Variants in KCNMA1 observed in about 807,000 individuals in gnomAD.
KCNMA1 encodes the protein Calcium-activated potassium channel subunit alpha-1.
In KCNMA1, 29 loss-of-function variants were observed where a neutral mutation model predicts 140.0. The observed-to-expected ratio is 0.21, with a 90% CI of 0.15 to 0.28. The LOEUF is 0.28. KCNMA1 is among the 10% of genes least tolerant of loss of function. The pLI is 1.00. For missense variants in KCNMA1, 880 were observed against 1,602.2 expected (o/e 0.55, Z 7.70); for synonymous variants, 612 against 611.9 (o/e 1.00, Z 0.00).
intron 1 of KCNMA1, among the ~76,000 whole-genome samples, chr10:77,480,832 G>C (rs983471696): frequency 6.6e-6 from 1 of 152,056 alleles, no homozygotes; most frequent in East Asian, 1.9e-4. Context: ...ACGTGCAGCC[G>C]GGCACGGTGG....
chr10:77,485,475 C>T (rs865987061), intron 1 of KCNMA1, among the ~76,000 whole-genome samples: 1 of 152,074 alleles, frequency 6.6e-6, no homozygotes, highest in Admixed American at 6.6e-5. Context: ...CTCTGTGGTT[C>T]GAGGAAAAGC....
intron 2 of KCNMA1, among the ~76,000 whole-genome samples, chr10:77,257,452 G>T (rs970123975): frequency 1.3e-5 from 2 of 152,186 alleles, no homozygotes; most frequent in Non-Finnish European, 2.9e-5. Context: ...GGAAGGATCA[G>T]ATCAGGCAGA....
At chr10:77,429,699 T>C (rs1248311827) in intron 1 of KCNMA1, among the ~76,000 whole-genome samples, 1 of 152,232 alleles carries the variant, frequency 6.6e-6, no homozygotes, top group African/African-American at 2.4e-5. Flanking sequence ...CCTAACATCT[T>C]GCAAGCTTTC....
intron 14 of KCNMA1, among the ~76,000 whole-genome samples, chr10:77,044,646 C>A (rs2094934490): frequency 6.6e-6 from 1 of 152,090 alleles, no homozygotes; most frequent in Non-Finnish European, 1.5e-5. Flanking sequence ...GAGATCCTGT[C>A]TCTAAAATAA....
At chr10:77,206,500 G>A (rs2044157215) in intron 3 of KCNMA1, among the ~76,000 whole-genome samples, 3 of 152,104 alleles carry the variant, frequency 2.0e-5, no homozygotes, top group East Asian at 3.9e-4. Context: ...ACTTCTATCT[G>A]CTCTTGGTTT....
intron 1 of KCNMA1, among the ~76,000 whole-genome samples, chr10:77,443,769 T>C (rs553333461): frequency 6.6e-6 from 1 of 152,348 alleles, no homozygotes; most frequent in South Asian, 2.1e-4. Context: ...AATCTTTGGA[T>C]AGATTTGTGA....
At chr10:77,595,518 C>T (rs2080644157) in intron 1 of KCNMA1, among the ~76,000 whole-genome samples, 1 of 152,152 alleles carries the variant, frequency 6.6e-6, no homozygotes, top group Non-Finnish European at 1.5e-5. Flanking sequence ...GTTTGTGGAA[C>T]AGTCAGTACA....
intron 1 of KCNMA1, among the ~76,000 whole-genome samples, chr10:77,587,481 G>T (rs2077579761): frequency 6.6e-6 from 1 of 152,110 alleles, no homozygotes; most frequent in Admixed American, 6.5e-5. Flanking sequence ...CTATGGCTTT[G>T]CATTATTGGG....
Position 76,885,360 on chromosome 10 carries a change from C to T in KCNMA1, c.*1906G>A, listed in dbSNP as rs1038699122. 2 of 983,242 alleles carry T rather than the reference C, an allele frequency of 2.0e-6. No individual in the cohort carries two copies. Among genetic ancestry groups the T allele is most frequent in the African/African-American group, 1.8e-5 (1 of 57,040 alleles). The allele number at this position is 983,242 out of a possible 1,614,324, so 60.9% of individuals were successfully genotyped here. A position where few individuals can be genotyped will look rare whatever the true frequency, so the allele number is the denominator to read the frequency against. ...TCCACTCATAGGGCTTGATAATTTA[C>T]ATGTATACAATTATTCCCCACCACA... is the stretch of plus-strand genomic sequence containing the variant. On this transcript the variant is annotated 3_prime_UTR_variant, in exon 28 of 28. Transcript: ENST00000286628.
intron 14 of KCNMA1, among the ~76,000 whole-genome samples, chr10:77,049,906 G>T (rs772535919): frequency 6.6e-6 from 1 of 152,164 alleles, no homozygotes; most frequent in African/African-American, 2.4e-5. Context: ...AACATCTTGG[G>T]CTTCTTAGCA....
At chr10:77,251,962 A>G (rs576737045) in intron 2 of KCNMA1, among the ~76,000 whole-genome samples, 3 of 152,334 alleles carry the variant, frequency 2.0e-5, no homozygotes, top group Non-Finnish European at 2.9e-5. Flanking sequence ...ATAAAGATAT[A>G]TTCACTGCAT....
intron 1 of KCNMA1, among the ~76,000 whole-genome samples, chr10:77,448,904 T>C (rs375350965): frequency 7.2e-5 from 11 of 151,948 alleles, no homozygotes; most frequent in Admixed American, 6.6e-4. Context: ...CAGACTAACA[T>C]GGTGAAACCC....
intron 3 of KCNMA1, among the ~76,000 whole-genome samples, chr10:77,201,490 C>T (rs2042449302): frequency 1.3e-5 from 2 of 152,284 alleles, no homozygotes; most frequent in Non-Finnish European, 2.9e-5. Context: ...CACCTTGCTG[C>T]ACAGCAGACA....
intron 1 of KCNMA1, among the ~76,000 whole-genome samples, chr10:77,462,569 A>C (rs77699175): frequency 0.028 from 4,230 of 152,260 alleles, 91 homozygotes; most frequent in Non-Finnish European, 0.038. Flanking sequence ...ACACCCTCAC[A>C]CATGCACTTA....
intron 14 of KCNMA1, among the ~76,000 whole-genome samples, chr10:77,060,849 C>T (rs964703241): frequency 2.0e-5 from 3 of 152,024 alleles, no homozygotes; most frequent in Admixed American, 6.6e-5. Flanking sequence ...TGGAGTGATG[C>T]GATGACAGGG....
chr10:76,988,047 A>C (rs540076127), intron 19 of KCNMA1, among the ~76,000 whole-genome samples: 1 of 152,338 alleles, frequency 6.6e-6, no homozygotes, highest in African/African-American at 2.4e-5. Flanking sequence ...GGCAATGGTG[A>C]GAAAAGGTTC....
intron 2 of KCNMA1, among the ~76,000 whole-genome samples, chr10:77,293,401 C>T (rs762055406): frequency 9.9e-5 from 15 of 152,090 alleles, no homozygotes; most frequent in Non-Finnish European, 1.9e-4. Context: ...GAGGGAGAAA[C>T]GGTGGTTCCC....
intron 2 of KCNMA1, among the ~76,000 whole-genome samples, chr10:77,376,948 A>AATACATACATACATACGTAC (rs1555258737): frequency 2.0e-4 from 30 of 148,314 alleles, no homozygotes; most frequent in African/African-American, 7.5e-4. Context: ...AAAATAAATA[A>AATACATACATACATACGTAC]ATACATACAT....
intron 2 of KCNMA1, among the ~76,000 whole-genome samples, chr10:77,266,534 A>G (rs1348902522): frequency 1.3e-5 from 2 of 152,198 alleles, no homozygotes; most frequent in African/African-American, 4.8e-5. Flanking sequence ...GCTAGATTTT[A>G]CTTTAAATGA....
Sources: allele counts gnomAD v4.1 joint callset (sites outside exome capture counted in the v4.1 genomes callset), GRCh38; gene constraint gnomAD v4.1.1; transcripts MANE v1.5; gene names NCBI Gene and HGNC (gene_info 2026-07-23, HGNC 2026-07-21).